The following NPHP4 variants were observed in gnomAD, a reference collection of about 807,000 sequenced individuals.
NPHP4 encodes the protein nephrocystin 4, also known as nephrocystin-4.
A neutral mutation model predicts 155.8 loss-of-function variants in NPHP4; 151 were observed. The observed-to-expected ratio is 0.97, with a 90% CI of 0.85 to 1.11. The LOEUF is 1.11. NPHP4 is among the 50% of genes least tolerant of loss of function. The pLI is 0.00. For synonymous variants in NPHP4, 845 were observed against 816.8 expected (o/e 1.03, Z -0.59); for missense variants, 1,956 against 1,925.7 (o/e 1.02, Z -0.29).
chr1:5,933,526 G>A (rs535106664), intron 9 of NPHP4, among the ~76,000 whole-genome samples, 197 bp from the exon 10 acceptor site: 74 of 152,210 alleles, frequency 4.9e-4, no homozygotes, highest in Non-Finnish European at 9.0e-4. Context: ...GTAGGGCACA[G>A]ATAGTCTTCA....
In NPHP4 at chr1:5,933,157, C is replaced by T. The variant is rs771540359; in HGVS notation, c.1292G>A (p.Ser431Asn). The change falls in exon 10 of 30, where the codon AGC (serine) becomes AAC (asparagine). Residue 431 changes from serine (S) to asparagine (N), a missense_variant. Coordinates refer to ENST00000378156, the MANE Select transcript of NPHP4 (RefSeq NM_015102.5). ...TACCTAATAATTTACCTCTTCAGAG[C>T]TCATGCTGGCTGAGGGTACCTTGTA... ...LVYKVPSASM[S>N]SEEVKQVESG... 6.3e-7 allele frequency: 1 copy of T among 1,588,720 alleles called. No homozygotes were observed. The highest frequency in any genetic ancestry group is 8.6e-7 in the Non-Finnish European group (1 of 1,162,796).
chr1:5,878,430 G>C (rs1318108667), intron 19 of NPHP4, among the ~76,000 whole-genome samples: 1 of 152,224 alleles, frequency 6.6e-6, no homozygotes, highest in Non-Finnish European at 1.5e-5. Flanking sequence ...TGGGGCCTGC[G>C]CAAGTTGGGG....
intron 4 of NPHP4, among the ~76,000 whole-genome samples, chr1:5,968,886 C>A (rs1652021736): frequency 6.6e-6 from 1 of 151,932 alleles, no homozygotes. Context: ...ATACAAAAAT[C>A]AGCTGGGCGT....
In NPHP4 at chr1:5,885,201, G is replaced by A. The variant is rs186014672; in HGVS notation, c.2485+2085C>T. On this transcript the variant is annotated intron_variant, in intron 18 of 29. Transcript: ENST00000378156. Reference sequence around the variant, plus strand: ...AAGATCACTGTCCAAGCTCCCAGCTGAACCCCCGTCCTACTCGACAACCAA... The same window carrying A: ...AAGATCACTGTCCAAGCTCCCAGCTAAACCCCCGTCCTACTCGACAACCAA... Among the ~76,000 whole-genome samples the A allele has an allele frequency of 4.1e-3, 528 of 130,184 alleles. 1 individual carries two copies. The highest frequency in any genetic ancestry group is 7.0e-3 in the Non-Finnish European group (444 of 63,184). 85.4% of individuals were successfully genotyped at this position (130,184 alleles called of 152,430 possible).
chr1:5,864,269 G>A (rs2100382576), intron 28 of NPHP4, 69 bp downstream of exon 28: 3 of 1,439,480 alleles, frequency 2.1e-6, no homozygotes, highest in African/African-American at 1.4e-5. Flanking sequence ...CAGGGCCGAG[G>A]TGGGGGTCCT....
chr1:5,873,190 G>C lies in NPHP4; in HGVS notation c.3315+62C>G, dbSNP rs1044757053. 2.9e-6 allele frequency: 4 copies of C among 1,400,850 alleles called. No individual in the cohort carries two copies. In the African/African-American group the frequency reaches 5.6e-5, roughly 20 times the overall value. The allele number at this position is 1,400,850 out of a possible 1,614,324, so 86.8% of individuals were successfully genotyped here. ...CCAGGAGGGGAGAGAAGGACACAAG[G>C]GTCAGGCCCTGGGAATACCCAGGAA... On this transcript the variant is annotated intron_variant, in intron 23 of 29. Transcript: ENST00000378156.
At chr1:5,913,602 GGCCACGC>G (rs1645301818) in intron 11 of NPHP4, among the ~76,000 whole-genome samples, 1 of 152,232 alleles carries the variant, frequency 6.6e-6, no homozygotes, top group African/African-American at 2.4e-5. Context: ...AACCCCGGGA[GGCCACGC>G]ATCCCACCTG....
Position 5,986,224 on chromosome 1 carries a change from G to A in NPHP4, c.66C>T (p.Arg22=). Residue 22 remains arginine (R), a synonymous_variant, in exon 2 of 30, where the codon CGC becomes CGT. Coordinates refer to ENST00000378156, the MANE Select transcript of NPHP4 (RefSeq NM_015102.5). The part of the protein sequence containing the change: ...VLVPPHPQRA[R]QPWKESTAFQ... ...ATGCCGTGGATTCCTTCCAAGGCTG[G>A]CGCGCTCTCTGTGGGTGGGGAGGGA... is the stretch of plus-strand genomic sequence containing the variant. The A allele has an allele frequency of 6.2e-7, 1 of 1,613,914 alleles. No individual in the cohort carries two copies. The highest frequency in any genetic ancestry group is 8.5e-7 in the Non-Finnish European group (1 of 1,179,864).
At chr1:5,899,711 C>G (rs374354802) in intron 16 of NPHP4, among the ~76,000 whole-genome samples, 2 of 152,198 alleles carry the variant, frequency 1.3e-5, no homozygotes, top group South Asian at 2.1e-4. Context: ...GATGGCTTTT[C>G]AGATACAACC....
chr1:5,974,838 G>A (rs562795509), intron 3 of NPHP4, among the ~76,000 whole-genome samples: 17 of 152,160 alleles, frequency 1.1e-4, no homozygotes, highest in Non-Finnish European at 1.9e-4. Context: ...TGAGCATGCA[G>A]GGTCCATGCG....
intron 2 of NPHP4, among the ~76,000 whole-genome samples, chr1:5,984,171 GAAC>G (rs776200178): frequency 1.3e-5 from 2 of 152,148 alleles, no homozygotes; most frequent in Non-Finnish European, 2.9e-5. Flanking sequence ...GCGGTCTTAA[GAAC>G]AATAAAATTT....
At chr1:5,913,985 G>A (rs1199625589) in intron 11 of NPHP4, among the ~76,000 whole-genome samples, 2 of 152,062 alleles carry the variant, frequency 1.3e-5, no homozygotes, top group African/African-American at 4.8e-5. Flanking sequence ...GCAGCTCCCC[G>A]CAAAGTAAGT....
At chr1:5,952,906 C>G in intron 6 of NPHP4, 70 bp from the exon 7 acceptor site, 1 of 1,435,656 alleles carries the variant, frequency 7.0e-7, no homozygotes, top group Non-Finnish European at 9.4e-7. Context: ...ACCGAGGGTC[C>G]CTACCCACCC....
At chr1:5,896,396 T>C (rs1222071268) in intron 16 of NPHP4, among the ~76,000 whole-genome samples, 2 of 152,222 alleles carry the variant, frequency 1.3e-5, no homozygotes, top group East Asian at 3.8e-4. Context: ...CTAAACCAAT[T>C]CTGAACCCTC....
At chr1:5,962,863 G>A (rs1026746104) in intron 5 of NPHP4, among the ~76,000 whole-genome samples, 14 of 152,290 alleles carry the variant, frequency 9.2e-5, no homozygotes, top group African/African-American at 3.4e-4. Flanking sequence ...GCACACCCCC[G>A]AAACACAGGG....
chr1:5,989,596 C>G (rs12118767), intron 1 of NPHP4, among the ~76,000 whole-genome samples: 6,945 of 152,314 alleles, frequency 0.046, 221 homozygotes, highest in African/African-American at 0.099. Context: ...GAAGCTTTAG[C>G]AAAGCTACCC....
chr1:5,863,240 C>G lies in NPHP4; in HGVS notation c.*25G>C. The G allele has an allele frequency of 6.2e-7, 1 of 1,613,610 alleles. No individual in the cohort carries two copies. ...ACAGACAGGCCCCAGCTGGGTGCCG[C>G]AGGAAGGACGTCACCCTCAAGCCCT... On this transcript the variant is annotated 3_prime_UTR_variant, in exon 30 of 30. Transcript: ENST00000378156.
chr1:5,973,157 T>C (rs1652894211), intron 3 of NPHP4, among the ~76,000 whole-genome samples: 1 of 152,216 alleles, frequency 6.6e-6, no homozygotes, highest in Admixed American at 6.5e-5. Flanking sequence ...AGTGCTGGGA[T>C]TACAGGCATG....
At chr1:5,941,290 A>C (rs12739946) in intron 9 of NPHP4, among the ~76,000 whole-genome samples, 2 of 44,030 alleles carry the variant, frequency 4.5e-5, no homozygotes, top group Non-Finnish European at 1.1e-4. Flanking sequence ...AGATCTAGAC[A>C]AAAAAAAAAA....
Sources: allele counts gnomAD v4.1 joint callset (sites outside exome capture counted in the v4.1 genomes callset), GRCh38; gene constraint gnomAD v4.1.1; transcripts MANE v1.5; gene names NCBI Gene and HGNC (gene_info 2026-07-23, HGNC 2026-07-21).